The following GABBR1 variants were observed in gnomAD, a reference collection of about 807,000 sequenced individuals.
GABBR1 encodes gamma-aminobutyric acid type B receptor subunit 1, also known as GABA-B receptor, R1 subunit.
In GABBR1, 35 loss-of-function variants were observed where a neutral mutation model predicts 117.7. The observed-to-expected ratio is 0.30, with a 90% CI of 0.23 to 0.39. The LOEUF (loss-of-function observed/expected upper bound fraction) is 0.39, where lower values mean the gene tolerates loss of function less well. GABBR1 is among the 10% of genes least tolerant of loss of function. GABBR1 has a pLI of 1.00. For synonymous variants in GABBR1, 442 were observed against 486.6 expected (o/e 0.91, Z 1.21); for missense variants, 709 against 1,241.8 (o/e 0.57, Z 6.45).
chr6:29,621,051 A>G lies in GABBR1; in HGVS notation c.1323+50T>C, dbSNP rs755126310. ...ACCCTTTCCCCTGCAAGGCCCCCTC[A>G]GTCCTCTCCACCCTCCCAGGTGCCA... On this transcript the variant is annotated intron_variant, in intron 11 of 22. Transcript: ENST00000377034. This position sits in a 1 kb window ranked among gnomAD's most constrained non-coding sequence, Gnocchi z 5.0. The G allele has an allele frequency of 6.5e-7, 1 of 1,540,996 alleles. No homozygotes were observed. Among genetic ancestry groups the G allele is most frequent in the Non-Finnish European group, 8.9e-7 (1 of 1,129,788 alleles).
rs188286669 is a variant in GABBR1, at chr6:29,603,158, G to C, written c.*385C>G. 4.2e-6 allele frequency: 2 copies of C among 477,140 alleles called. No homozygotes were observed. Among genetic ancestry groups the C allele is most frequent in the South Asian group, 3.1e-5 (2 of 64,748 alleles). The allele number at this position is 477,140 out of a possible 1,614,324, so 29.6% of individuals were successfully genotyped here. ...AGCACTTGTTGGGAGACCCCTGCTGGACAGGAACAGAGCACAAAGGCAGAG... is the reference window on the plus strand; with the variant it reads ...AGCACTTGTTGGGAGACCCCTGCTGCACAGGAACAGAGCACAAAGGCAGAG... On this transcript the variant is annotated 3_prime_UTR_variant, in exon 23 of 23. Transcript: ENST00000377034.
At chr6:29,618,912 G>C (rs1763458276) in intron 11 of GABBR1, among the ~76,000 whole-genome samples, 1 of 152,082 alleles carries the variant, frequency 6.6e-6, no homozygotes, top group African/African-American at 2.4e-5. Context: ...ACCCCCAACT[G>C]TAACAACCAA....
Position 29,607,195 on chromosome 6 carries a change from C to T in GABBR1, c.2016G>A (p.Leu672=), listed in dbSNP as rs777934499. ...TGGAACCGTAGCCCAGACTAAAGCC[C>T]AGGCCCAGGAGCCAGAGGCGGGCCT... ...VCQARLWLLG[L]GFSLGYGSMF... is the part of the protein sequence containing the mutation. Residue 672 remains leucine, a synonymous_variant, in exon 17 of 23, where the codon CTG becomes CTA. Transcript: ENST00000377034. The surrounding 1 kb of genome is among the most constrained non-coding windows in gnomAD (Gnocchi z 5.0). The T allele has an allele frequency of 9.7e-5, 156 of 1,614,000 alleles. No individual in the cohort carries two copies. The highest frequency in any genetic ancestry group is 1.3e-4 in the Non-Finnish European group (152 of 1,180,018).
chr6:29,630,588 C>A lies in GABBR1; in HGVS notation c.345G>T (p.Thr115=). ...CGTCCAGAGCTGGGAGGTCCCCACC[C>A]GTCAGGAAAACCTTCCCATTTTCCA... ...LTLENGKVFL[T]GGDLPALDGA... Residue 115 remains threonine, a synonymous_variant, in exon 4 of 23, where the codon ACG becomes ACT. Transcript: ENST00000377034. The surrounding 1 kb of genome is among the most constrained non-coding windows in gnomAD (Gnocchi z 4.9). 1 of 1,613,046 alleles carries A rather than the reference C, an allele frequency of 6.2e-7. No individual in the cohort carries two copies. Among genetic ancestry groups the A allele is most frequent in the Non-Finnish European group, 8.5e-7 (1 of 1,180,004 alleles).
intron 5 of GABBR1, chr6:29,628,025 G>A (rs1303997865): frequency 1.1e-5 from 14 of 1,273,610 alleles, no homozygotes; most frequent in East Asian, 6.6e-5. Flanking sequence ...ACCGACGGAG[G>A]GGAGGAGGAG....
chr6:29,621,975 ACTTC>A lies in GABBR1; in HGVS notation c.1065+125_1065+128del. 1 of 1,047,626 alleles carries A rather than the reference ACTTC, an allele frequency of 9.5e-7. No individual in the cohort carries two copies. Among genetic ancestry groups the A allele is most frequent in the Admixed American group, 2.1e-5 (1 of 48,658 alleles). The allele number at this position is 1,047,626 out of a possible 1,614,324, so 64.9% of individuals were successfully genotyped here. A position where few individuals can be genotyped will look rare whatever the true frequency, so the allele number is the denominator to read the frequency against. ...AACGTCAACTGGAAGATGGAGCTAA[ACTTC>A]CCCAGGAGATGCTATTGCCTCAGAG... On this transcript the variant is annotated intron_variant, in intron 9 of 22. Coordinates refer to ENST00000377034, the MANE Select transcript of GABBR1 (RefSeq NM_001470.4). This position sits in a 1 kb window ranked among gnomAD's most constrained non-coding sequence, Gnocchi z 5.0.
At chr6:29,619,817 C>T (rs1763569233) in intron 11 of GABBR1, among the ~76,000 whole-genome samples, 1 of 152,220 alleles carries the variant, frequency 6.6e-6, no homozygotes, top group Non-Finnish European at 1.5e-5. Context: ...GGGTACTCTA[C>T]AGGAAAGTGA....
Position 29,630,474 on chromosome 6 carries a change from G to A in GABBR1, c.459C>T (p.Pro153=), listed in dbSNP as rs1337618391. 8 of 1,612,664 alleles carry A rather than the reference G, an allele frequency of 5.0e-6. No homozygotes were observed. Among genetic ancestry groups the A allele is most frequent in the Non-Finnish European group, 6.8e-6 (8 of 1,179,710 alleles). Residue 153 remains proline (P), a synonymous_variant, in exon 4 of 23, where the codon CCC becomes CCT. Coordinates refer to ENST00000377034, the MANE Select transcript of GABBR1 (RefSeq NM_001470.4). The surrounding 1 kb of genome is among the most constrained non-coding windows in gnomAD (Gnocchi z 4.9). ...TCCCCTCACCCTGGCAGTGGGGCTT[G>A]GGGGTGCTCCACTGGCCCTGACTAC... The part of the protein sequence containing the change: ...SICSQGQWST[P]KPHCQVNRTP...
At chr6:29,628,302 C>A in intron 5 of GABBR1, 1 of 18,856 alleles carries the variant, frequency 5.3e-5, no homozygotes, top group Non-Finnish European at 1.0e-4. Flanking sequence ...GCCAGGAGGG[C>A]GGGGTGGGCG....
chr6:29,624,232 C>G, intron 6 of GABBR1: 1 of 513,634 alleles, frequency 1.9e-6, no homozygotes, highest in Non-Finnish European at 3.4e-6. Flanking sequence ...TGTCTTCCAT[C>G]TGGAGCCTTA....
chr6:29,622,283 T>A lies in GABBR1; in HGVS notation c.964-78A>T, dbSNP rs987418934. On this transcript the variant is annotated intron_variant, in intron 8 of 22. Coordinates refer to ENST00000377034, the MANE Select transcript of GABBR1 (RefSeq NM_001470.4). This position sits in a 1 kb window ranked among gnomAD's most constrained non-coding sequence, Gnocchi z 4.6. Reference sequence around the variant, plus strand: ...AAAGACCAGAGAGGTTAACTGGGGATTTCAGAGCAATACTCAGATAGAGCA... The same window carrying A: ...AAAGACCAGAGAGGTTAACTGGGGAATTCAGAGCAATACTCAGATAGAGCA... 1.1e-6 allele frequency: 1 copy of A among 923,816 alleles called. No individual in the cohort carries two copies. Among genetic ancestry groups the A allele is most frequent in the Non-Finnish European group, 1.8e-6 (1 of 568,152 alleles). 57.2% of individuals were successfully genotyped at this position (923,816 alleles called of 1,614,324 possible). A position where few individuals can be genotyped will look rare whatever the true frequency, so the allele number is the denominator to read the frequency against.
Position 29,630,555 on chromosome 6 carries a change from C to T in GABBR1, c.378G>A (p.Arg126=), listed in dbSNP as rs527377660. The change falls in exon 4 of 23, where the codon CGG becomes CGA. Residue 126 remains arginine, a synonymous_variant. Transcript: ENST00000377034. This position sits in a 1 kb window ranked among gnomAD's most constrained non-coding sequence, Gnocchi z 4.9. ...GGDLPALDGA[R]VDFRCDPDFH... ...AGTCGGGGTCACACCGGAAATCCAC[C>T]CGGGCTCCGTCCAGAGCTGGGAGGT... 7 of 1,613,086 alleles carry T rather than the reference C, an allele frequency of 4.3e-6. 1 individual carries two copies. The highest frequency in any genetic ancestry group is 3.3e-5 in the Admixed American group (2 of 60,018).
At chr6:29,628,576 G>A (rs918447184) in intron 5 of GABBR1, among the ~76,000 whole-genome samples, 1 of 151,684 alleles carries the variant, frequency 6.6e-6, no homozygotes, top group Non-Finnish European at 1.5e-5. Context: ...AGGGAGACAG[G>A]ACATGGAATT....
Position 29,630,614 on chromosome 6 carries a change from G to A in GABBR1, c.319C>T (p.Leu107=), listed in dbSNP as rs1260709173. The A allele has an allele frequency of 6.2e-7, 1 of 1,612,892 alleles. No homozygotes were observed. Among genetic ancestry groups the A allele is most frequent in the Admixed American group, 1.7e-5 (1 of 60,026 alleles). ...GTCAGGAAAACCTTCCCATTTTCCA[G>A]GGTCAAATAAGACTTGGAGCAGATT... ...VRICSKSYLT[L]ENGKVFLTGG... is the part of the protein sequence containing the mutation. Residue 107 remains leucine (L), a synonymous_variant, in exon 4 of 23, where the codon CTG becomes TTG. Transcript: ENST00000377034. This position sits in a 1 kb window ranked among gnomAD's most constrained non-coding sequence, Gnocchi z 4.9.
chr6:29,627,959 C>G lies in GABBR1; in HGVS notation c.497-313G>C. The stretch of plus-strand genomic sequence containing the variant: ...GCAGGGAAGGTTGGCTTCCTACGGC[C>G]CCCGCGGCTCTCGCCACCGTCGCCG... On this transcript the variant is annotated intron_variant, in intron 5 of 22. Transcript: ENST00000377034. This position sits in a 1 kb window ranked among gnomAD's most constrained non-coding sequence, Gnocchi z 4.4. 1 of 1,339,640 alleles carries G rather than the reference C, an allele frequency of 7.5e-7. No individual in the cohort carries two copies. The highest frequency in any genetic ancestry group is 9.5e-7 in the Non-Finnish European group (1 of 1,054,418). 83.0% of individuals were successfully genotyped at this position (1,339,640 alleles called of 1,614,324 possible). A position where few individuals can be genotyped will look rare whatever the true frequency, so the allele number is the denominator to read the frequency against.
Position 29,611,644 on chromosome 6 carries a change from A to G in GABBR1, c.1631-643T>C, listed in dbSNP as rs751067033. Among the ~76,000 whole-genome samples, 15 of 152,308 alleles carry G rather than the reference A, an allele frequency of 9.8e-5. No homozygotes were observed. The highest frequency in any genetic ancestry group is 3.4e-3 in the Middle Eastern group (1 of 294). On this transcript the variant is annotated intron_variant, in intron 13 of 22. Coordinates refer to ENST00000377034, the MANE Select transcript of GABBR1 (RefSeq NM_001470.4). This position sits in a 1 kb window ranked among gnomAD's most constrained non-coding sequence, Gnocchi z 4.6. ...CTGAAAGGATGTGGAGGTGGGGAGA[A>G]AGGAAGAAAGAAACTTTTCACAGGA...
rs1330600804 is a variant in GABBR1, at chr6:29,603,079, A to G, written c.*464T>C. Reference sequence around the variant, plus strand: ...GAGAAAGTATAGAAGGGCAAGTAAGATGGAAAGAGATTATGACAGTGGAGA... The same window carrying G: ...GAGAAAGTATAGAAGGGCAAGTAAGGTGGAAAGAGATTATGACAGTGGAGA... On this transcript the variant is annotated 3_prime_UTR_variant, in exon 23 of 23. Coordinates refer to ENST00000377034, the MANE Select transcript of GABBR1 (RefSeq NM_001470.4). 2 of 457,906 alleles carry G rather than the reference A, an allele frequency of 4.4e-6. No homozygotes were observed. Among genetic ancestry groups the G allele is most frequent in the Non-Finnish European group, 8.8e-6 (2 of 227,644 alleles). 28.4% of individuals were successfully genotyped at this position (457,906 alleles called of 1,614,324 possible). A position where few individuals can be genotyped will look rare whatever the true frequency, so the allele number is the denominator to read the frequency against.
intron 11 of GABBR1, among the ~76,000 whole-genome samples, chr6:29,614,887 G>A (rs927399138): frequency 1.8e-4 from 27 of 149,400 alleles, no homozygotes; most frequent in Non-Finnish European, 3.7e-4. Context: ...CACTCTGGCG[G>A]AGGATGTCGA....
chr6:29,623,290 C>T lies in GABBR1; in HGVS notation c.963+15G>A. The stretch of plus-strand genomic sequence containing the variant: ...GAGCTTATGTCCCTTTACCCCTTGC[C>T]CAACCCCTCCTCACCGAAGTGAAGA... On this transcript the variant is annotated intron_variant, in intron 8 of 22. Coordinates refer to ENST00000377034, the MANE Select transcript of GABBR1 (RefSeq NM_001470.4). The surrounding 1 kb of genome is among the most constrained non-coding windows in gnomAD (Gnocchi z 6.2). The T allele has an allele frequency of 6.2e-7, 1 of 1,606,448 alleles. No individual in the cohort carries two copies.
Sources: gnomAD v4.1 joint callset for allele counts (sites outside exome capture counted in the v4.1 genomes callset) on GRCh38, gnomAD v4.1.1 for gene constraint, Gnocchi (gnomAD v3.1) non-coding constraint, MANE v1.5 for transcripts, NCBI Gene and HGNC (gene_info 2026-07-23, HGNC 2026-07-21) for gene names.